MCC: variants seen among roughly 807,000 people sequenced by gnomAD.
MCC encodes colorectal mutant cancer protein.
MCC carries 90 observed loss-of-function variants against 116.2 expected under a neutral mutation model. That is an observed-to-expected ratio of 0.77 (90% CI 0.65 to 0.92). MCC has a LOEUF of 0.92. MCC is among the 40% of genes least tolerant of loss of function. The pLI is 0.00. For synonymous variants in MCC, 578 were observed against 510.5 expected, an observed-to-expected ratio of 1.13 and a Z score of -1.78; for missense variants, 1,516 against 1,312.2, an observed-to-expected ratio of 1.16 and a Z score of -2.40.
chr5:113,252,056 T>C (rs1338863287), intron 3 of MCC, among the ~76,000 whole-genome samples: 1 of 152,212 alleles, frequency 6.6e-6, no homozygotes, highest in Non-Finnish European at 1.5e-5. Context: ...CAGAGAGTCC[T>C]GCTTTCTTTT....
chr5:113,380,249 C>G (rs1399019301), intron 2 of MCC, among the ~76,000 whole-genome samples: 1 of 152,220 alleles, frequency 6.6e-6, no homozygotes, highest in Non-Finnish European at 1.5e-5. Flanking sequence ...CTACTTCTCT[C>G]CATCCTACAG....
chr5:113,071,051 C>T (rs1402825660), intron 12 of MCC, 43 bp downstream of exon 12: 1 of 1,593,182 alleles, frequency 6.3e-7, no homozygotes, highest in East Asian at 2.3e-5. Flanking sequence ...TCTGGATGCA[C>T]TTCTACCCTG....
chr5:113,434,986 G>T lies in MCC; in HGVS notation c.171-49774C>A. ...CTGCCTCCTAGAGGCCAAGACTCTG[G>T]AGTGGAACATTTGGCACTGTCTCCC... On this transcript the variant is annotated intron_variant, in intron 1 of 18. Coordinates refer to ENST00000408903, the MANE Select transcript of MCC (RefSeq NM_001085377.2). The surrounding 1 kb of genome is among the most constrained non-coding windows in gnomAD (Gnocchi z 4.2). The T allele has an allele frequency of 1.0e-6, 1 of 963,818 alleles. No individual in the cohort carries two copies. The highest frequency in any genetic ancestry group is 1.5e-6 in the Non-Finnish European group (1 of 658,978). 59.7% of individuals were successfully genotyped at this position (963,818 alleles called of 1,614,324 possible).
chr5:113,221,195 C>T (rs112958198), intron 3 of MCC, among the ~76,000 whole-genome samples: 7,348 of 152,182 alleles, frequency 0.048, 316 homozygotes, highest in African/African-American at 0.11. Context: ...CACAGTGAGA[C>T]GCTGTCATAA....
intron 4 of MCC, among the ~76,000 whole-genome samples, chr5:113,145,735 C>T (rs1304255943): frequency 8.0e-6 from 1 of 124,680 alleles, no homozygotes; most frequent in African/African-American, 3.0e-5. Flanking sequence ...AATAAACTTG[C>T]TTACACACAC....
intron 2 of MCC, 46 bp downstream of exon 2, chr5:113,384,922 G>A: frequency 6.2e-7 from 1 of 1,606,390 alleles, no homozygotes; most frequent in Non-Finnish European, 8.5e-7. Flanking sequence ...GAGATCACAG[G>A]CAAGGCCAGT....
intron 3 of MCC, among the ~76,000 whole-genome samples, chr5:113,289,451 G>GGA (rs1330749599): frequency 6.6e-6 from 1 of 152,048 alleles, no homozygotes; most frequent in South Asian, 2.1e-4. Flanking sequence ...CACCCCTCTT[G>GGA]GAGAGGTGTT....
Position 113,218,347 on chromosome 5 carries a change from G to A in MCC, c.628-66925C>T, listed in dbSNP as rs563416284. 3.3e-5 allele frequency among the ~76,000 whole-genome samples: 5 copies of A among 152,178 alleles called. No homozygotes were observed. The East Asian group carries it at 7.7e-4, about 24-fold the overall frequency. Reference sequence around the variant, plus strand: ...CTGGTATTTTTGTCACTGGGCTTTCGGGCTGGGGGCTGGGCAGAGCTGAAT... The same window carrying A: ...CTGGTATTTTTGTCACTGGGCTTTCAGGCTGGGGGCTGGGCAGAGCTGAAT... On this transcript the variant is annotated intron_variant, in intron 3 of 18. Transcript: ENST00000408903.
chr5:113,213,745 T>C (rs1360256100), intron 3 of MCC, among the ~76,000 whole-genome samples: 2 of 152,180 alleles, frequency 1.3e-5, no homozygotes, highest in African/African-American at 4.8e-5. Flanking sequence ...TGGTTTCTAA[T>C]TCCTGACACG....
chr5:113,268,709 A>G (rs866510452), intron 3 of MCC, among the ~76,000 whole-genome samples: 1 of 152,174 alleles, frequency 6.6e-6, no homozygotes, highest in South Asian at 2.1e-4. Context: ...TGCTGGCAAA[A>G]CAAAAATTTT....
At chr5:113,112,419 TTCTC>T (rs1757152696) in intron 6 of MCC, among the ~76,000 whole-genome samples, 1 of 152,072 alleles carries the variant, frequency 6.6e-6, no homozygotes, top group Non-Finnish European at 1.5e-5. Flanking sequence ...CACCTCCCCT[TTCTC>T]TCTTTTTCCT....
chr5:113,141,622 G>A (rs1759187553), intron 5 of MCC, among the ~76,000 whole-genome samples: 1 of 152,184 alleles, frequency 6.6e-6, no homozygotes, highest in African/African-American at 2.4e-5. Flanking sequence ...CAGCCTTGCA[G>A]GGAATCCCCT....
chr5:113,184,528 C>CTGAGATCA (rs1761802097), intron 3 of MCC, among the ~76,000 whole-genome samples: 1 of 131,800 alleles, frequency 7.6e-6, no homozygotes, highest in Admixed American at 9.1e-5. Context: ...GTGCTCAGTG[C>CTGAGATCA]TGAGATCATG....
At chr5:113,038,080 G>A (rs1352889344) in intron 17 of MCC, among the ~76,000 whole-genome samples, 3 of 152,126 alleles carry the variant, frequency 2.0e-5, no homozygotes, top group East Asian at 3.9e-4. Context: ...AGGAATGGAA[G>A]GGATTTTAAG....
Position 113,207,376 on chromosome 5 carries a change from C to G in MCC, c.628-55954G>C, listed in dbSNP as rs952374209. ...AGTACGTATTAGCTATTTTTATTAG[C>G]ATTAATACAAGGCAATGACAGAGAC... On this transcript the variant is annotated intron_variant, in intron 3 of 18. Transcript: ENST00000408903. Among the ~76,000 whole-genome samples, 11 of 136,998 alleles carry G rather than the reference C, an allele frequency of 8.0e-5. 1 individual carries two copies. Among genetic ancestry groups the G allele is most frequent in the African/African-American group, 1.4e-4 (5 of 36,150 alleles). 89.9% of individuals were successfully genotyped at this position (136,998 alleles called of 152,430 possible).
intron 12 of MCC, among the ~76,000 whole-genome samples, chr5:113,069,600 G>T (rs904676631): frequency 1.3e-5 from 2 of 152,110 alleles, no homozygotes; most frequent in African/African-American, 4.8e-5. Flanking sequence ...ACGGAGTCTC[G>T]CTCTGTCGCC....
At chr5:113,094,523 C>T (rs1175662083) in intron 8 of MCC, among the ~76,000 whole-genome samples, 1 of 151,086 alleles carries the variant, frequency 6.6e-6, no homozygotes, top group African/African-American at 2.4e-5. Flanking sequence ...CGGGTTCAAG[C>T]GATTTTCCTG....
intron 3 of MCC, among the ~76,000 whole-genome samples, chr5:113,229,891 A>G (rs528312349): frequency 1.3e-5 from 2 of 152,346 alleles, no homozygotes; most frequent in South Asian, 2.1e-4. Context: ...AAATTTGTGT[A>G]AGGACACTAT....
chr5:113,354,274 T>C (rs1561535410), intron 2 of MCC, among the ~76,000 whole-genome samples: 2 of 152,198 alleles, frequency 1.3e-5, no homozygotes, highest in Non-Finnish European at 2.9e-5. Flanking sequence ...TATAGTCATA[T>C]AGCCCAACCC....
Sources: gnomAD v4.1 joint callset for allele counts (sites outside exome capture counted in the v4.1 genomes callset) on GRCh38, gnomAD v4.1.1 for gene constraint, Gnocchi (gnomAD v3.1) non-coding constraint, MANE v1.5 for transcripts, NCBI Gene and HGNC (gene_info 2026-07-23, HGNC 2026-07-21) for gene names.